The following SV2C variants were observed in gnomAD, a reference collection of about 807,000 sequenced individuals.
SV2C encodes solute carrier family 22 member B3.
A neutral mutation model predicts 79.7 loss-of-function variants in SV2C; 49 were observed. The ratio of observed to expected loss-of-function variants is 0.61; its 90% CI spans 0.49 to 0.78. The LOEUF is 0.78. Ranked by LOEUF, SV2C falls within the 30% of genes least tolerant of loss-of-function variation. The pLI, the probability that SV2C is intolerant of heterozygous loss-of-function variation, is 0.00. For missense variants in SV2C, 833 were observed against 912.9 expected (o/e 0.91, Z 1.13); for synonymous variants, 334 against 333.2 (o/e 1.00, Z -0.03).
At chr5:75,986,235 G>A in the SV2C span, among the ~76,000 whole-genome samples, 1 of 151,656 alleles carries the variant, frequency 6.6e-6, no homozygotes, top group Non-Finnish European at 1.5e-5. Flanking sequence ...TAAGGATCTT[G>A]AGATGGGGAG....
chr5:75,874,204 C>G, the SV2C span, among the ~76,000 whole-genome samples: 1 of 152,134 alleles, frequency 6.6e-6, no homozygotes, highest in East Asian at 1.9e-4. Context: ...AGCTAATTCA[C>G]TATGATCAAG....
chr5:76,297,707 G>T (rs139891994), intron 9 of SV2C, among the ~76,000 whole-genome samples: 325 of 152,186 alleles, frequency 2.1e-3, no homozygotes, highest in African/African-American at 7.2e-3. Flanking sequence ...AAGCTGATTG[G>T]TCTGTGAGGC....
chr5:75,991,017 C>T, the SV2C span, among the ~76,000 whole-genome samples: 2 of 152,052 alleles, frequency 1.3e-5, no homozygotes, highest in Admixed American at 6.6e-5. Context: ...CCAGCCTCCT[C>T]ATAAATGCTG....
the SV2C span, among the ~76,000 whole-genome samples, chr5:75,925,203 G>A: frequency 7.9e-5 from 12 of 152,224 alleles, no homozygotes; most frequent in East Asian, 7.7e-4. Context: ...TCACCAGCAC[G>A]TCTGTTCCCA....
At chr5:75,962,154 G>A in the SV2C span, among the ~76,000 whole-genome samples, 1 of 152,184 alleles carries the variant, frequency 6.6e-6, no homozygotes, top group Non-Finnish European at 1.5e-5. Flanking sequence ...ATGAGAGTGG[G>A]TATTTAGGGT....
intron 2 of SV2C, among the ~76,000 whole-genome samples, chr5:76,138,518 C>T (rs1749141387): frequency 6.6e-6 from 1 of 152,186 alleles, no homozygotes; most frequent in Non-Finnish European, 1.5e-5. Flanking sequence ...ATAAACAGTA[C>T]ATAATGGCAA....
the SV2C span, among the ~76,000 whole-genome samples, chr5:75,968,490 T>C: frequency 6.6e-6 from 1 of 152,146 alleles, no homozygotes; most frequent in Non-Finnish European, 1.5e-5. Context: ...AAGGACCTGA[T>C]GGAGCTGAAA....
chr5:76,338,210 A>T (rs1360342904), downstream of SV2C, among the ~76,000 whole-genome samples: 2 of 152,220 alleles, frequency 1.3e-5, no homozygotes, highest in Non-Finnish European at 2.9e-5. Flanking sequence ...GCCAGAATGA[A>T]GTAGATAGGA....
chr5:75,902,891 G>A, the SV2C span, among the ~76,000 whole-genome samples: 1 of 152,236 alleles, frequency 6.6e-6, no homozygotes, highest in Admixed American at 6.5e-5. Flanking sequence ...TGTGAAGAAA[G>A]CTGGGAAGGG....
At chr5:76,315,850 T>G (rs536685768) in intron 12 of SV2C, among the ~76,000 whole-genome samples, 2 of 152,322 alleles carry the variant, frequency 1.3e-5, no homozygotes, top group South Asian at 4.1e-4. Context: ...TCCTCTCCAG[T>G]GTGCAAAGCA....
At chr5:76,209,692 C>T in intron 3 of SV2C, 44 bp from the exon 4 acceptor site, 1 of 1,581,990 alleles carries the variant, frequency 6.3e-7, no homozygotes. Context: ...CTCACATGAG[C>T]TGTCCACACC....
chr5:76,247,508 C>A (rs1179080943), intron 4 of SV2C, among the ~76,000 whole-genome samples: 1 of 152,228 alleles, frequency 6.6e-6, no homozygotes, highest in African/African-American at 2.4e-5. Flanking sequence ...AGCTTATTTT[C>A]TCCTGCAACG....
intron 2 of SV2C, among the ~76,000 whole-genome samples, chr5:76,162,747 G>C (rs1481866528): frequency 6.6e-6 from 1 of 152,156 alleles, no homozygotes; most frequent in Non-Finnish European, 1.5e-5. Flanking sequence ...AATGTTTCAT[G>C]GGACATGAAA....
chr5:75,859,834 G>A, the SV2C span, among the ~76,000 whole-genome samples: 3 of 152,066 alleles, frequency 2.0e-5, no homozygotes, highest in Non-Finnish European at 2.9e-5. Context: ...CACAGAAACC[G>A]CCACTGCTAT....
chr5:76,214,658 T>C (rs1744864503), intron 4 of SV2C, among the ~76,000 whole-genome samples: 1 of 152,256 alleles, frequency 6.6e-6, no homozygotes, highest in African/African-American at 2.4e-5. Context: ...AATCCATGAA[T>C]ACAATATATC....
chr5:75,978,631 T>C, the SV2C span, among the ~76,000 whole-genome samples: 1 of 152,202 alleles, frequency 6.6e-6, no homozygotes, highest in Non-Finnish European at 1.5e-5. Context: ...TATATTATTG[T>C]TTAGATTATT....
chr5:75,904,400 C>A, the SV2C span, among the ~76,000 whole-genome samples: 2 of 138,764 alleles, frequency 1.4e-5, no homozygotes, highest in African/African-American at 5.5e-5. Flanking sequence ...AAAACAAACC[C>A]AGAGAGAGAG....
In SV2C at chr5:76,328,704, C is replaced by T. The variant is rs1002007319; in HGVS notation, c.*3157C>T. On this transcript the variant is annotated 3_prime_UTR_variant, in exon 13 of 13. Transcript: ENST00000502798. ...GATTGGGACTAGTCTGCTCTCCACT[C>T]TCCAGCATTGTAGAAGACAGTAATG... 2 of 152,160 alleles carry T rather than the reference C, an allele frequency of 1.3e-5. No homozygotes were observed. The highest frequency in any genetic ancestry group is 4.8e-5 in the African/African-American group (2 of 41,428). 9.4% of individuals were successfully genotyped at this position (152,160 alleles called of 1,614,324 possible).
At chr5:75,999,712 C>G in the SV2C span, among the ~76,000 whole-genome samples, 1 of 151,580 alleles carries the variant, frequency 6.6e-6, no homozygotes, top group Non-Finnish European at 1.5e-5. Flanking sequence ...AAAAAAATAC[C>G]ACAGGCTGAG....
Sources: allele counts gnomAD v4.1 joint callset (sites outside exome capture counted in the v4.1 genomes callset), GRCh38; gene constraint gnomAD v4.1.1; transcripts MANE v1.5; gene names NCBI Gene and HGNC (gene_info 2026-07-23, HGNC 2026-07-21).